Variants in KANK1 observed in about 807,000 individuals in gnomAD.
The protein encoded by KANK1 is KN motif and ankyrin repeat domain-containing protein 1.
Under a neutral mutation model 106.2 loss-of-function variants are expected in KANK1, and 109 were observed. The ratio of observed to expected loss-of-function variants is 1.03; its 90% CI spans 0.88 to 1.20. KANK1 has a LOEUF of 1.20. KANK1 is among the 50% of genes most tolerant of loss of function. KANK1 has a pLI of 0.00. For missense variants in KANK1, 2,399 were observed against 1,710.7 expected (o/e 1.40, Z -7.10); for synonymous variants, 873 against 652.2 (o/e 1.34, Z -5.16).
chr9:573,492 G>C (rs1165251985), intron 1 of KANK1, among the ~76,000 whole-genome samples: 2 of 151,952 alleles, frequency 1.3e-5, no homozygotes, highest in Admixed American at 1.3e-4. Flanking sequence ...GGATGGTCTC[G>C]ATCTCTTGAC....
chr9:560,820 G>A (rs1281790541), intron 1 of KANK1, among the ~76,000 whole-genome samples: 2 of 152,026 alleles, frequency 1.3e-5, no homozygotes, highest in East Asian at 3.8e-4. Flanking sequence ...CAATCAACAT[G>A]AACAAATACA....
At chr9:708,251 C>T (rs1028230508) in intron 2 of KANK1, among the ~76,000 whole-genome samples, 6 of 143,504 alleles carry the variant, frequency 4.2e-5, no homozygotes, top group African/African-American at 1.5e-4. Context: ...GCTGCAGCTT[C>T]TCTCCTGTTA....
intron 1 of KANK1, among the ~76,000 whole-genome samples, chr9:640,484 G>A (rs1466646522): frequency 1.3e-5 from 2 of 150,804 alleles, no homozygotes; most frequent in Admixed American, 6.6e-5. Context: ...TGCAACCTCC[G>A]CCTCCCAGGT....
chr9:527,112 C>T (rs2059826026), intron 1 of KANK1, among the ~76,000 whole-genome samples: 1 of 151,724 alleles, frequency 6.6e-6, no homozygotes, highest in South Asian at 2.1e-4. Context: ...CAAACTGAAG[C>T]CTAACCTTCC....
At chr9:538,360 A>C (rs1460400299) in intron 1 of KANK1, among the ~76,000 whole-genome samples, 1 of 152,140 alleles carries the variant, frequency 6.6e-6, no homozygotes. Flanking sequence ...TGAGTAAAGG[A>C]GGGGCAGACA....
intron 3 of KANK1, among the ~76,000 whole-genome samples, chr9:725,833 T>C (rs971923440): frequency 6.6e-6 from 1 of 152,228 alleles, no homozygotes; most frequent in Non-Finnish European, 1.5e-5. Context: ...ACACTTAAGC[T>C]GCTTTTCTTC....
intron 1 of KANK1, among the ~76,000 whole-genome samples, chr9:510,862 C>A (rs7874553): frequency 6.6e-6 from 1 of 152,034 alleles, no homozygotes; most frequent in African/African-American, 2.4e-5. Context: ...CTCCTTTCCC[C>A]TCAGGTAAAA....
At chr9:544,715 G>A (rs1271320509) in intron 1 of KANK1, among the ~76,000 whole-genome samples, 1 of 151,764 alleles carries the variant, frequency 6.6e-6, no homozygotes, top group African/African-American at 2.4e-5. Flanking sequence ...TGTTGGGTGA[G>A]GTGGAGTTCG....
chr9:542,351 C>G (rs903642967), intron 1 of KANK1, among the ~76,000 whole-genome samples: 2 of 152,170 alleles, frequency 1.3e-5, no homozygotes, highest in African/African-American at 4.8e-5. Context: ...AATACAAAAC[C>G]ACAGTGAGGT....
intron 1 of KANK1, among the ~76,000 whole-genome samples, chr9:676,356 C>G (rs1008845043): frequency 6.6e-6 from 1 of 152,154 alleles, no homozygotes; most frequent in African/African-American, 2.4e-5. Context: ...GGAGGACTGA[C>G]TGGATCAGAT....
rs1005123100 is a variant in KANK1, at chr9:615,185, A to T, written c.-83-61705A>T. Among the ~76,000 whole-genome samples, 17 of 152,284 alleles carry T rather than the reference A, an allele frequency of 1.1e-4. 1 individual carries two copies. Among genetic ancestry groups the T allele is most frequent in the African/African-American group, 4.1e-4 (17 of 41,538 alleles). On this transcript the variant is annotated intron_variant, in intron 1 of 11. Transcript: ENST00000382297. ...CCTGGCCTCAAGCAAGTCCTCCTGC[A>T]TTGGCCTTCCAAAGTGCTGGGATTA...
At chr9:514,146 T>TCTC (rs2059162005) in intron 1 of KANK1, among the ~76,000 whole-genome samples, 4 of 36,568 alleles carry the variant, frequency 1.1e-4, no homozygotes, top group African/African-American at 9.9e-4. Context: ...CTCCCTCCCT[T>TCTC]CCTCTCTCCC....
chr9:645,920 A>G (rs1839572872), intron 1 of KANK1, among the ~76,000 whole-genome samples: 1 of 151,094 alleles, frequency 6.6e-6, no homozygotes, highest in South Asian at 2.1e-4. Context: ...TTATCTCATG[A>G]TTTAGCCACA....
chr9:527,881 G>T (rs927485496), intron 1 of KANK1, among the ~76,000 whole-genome samples: 4 of 148,856 alleles, frequency 2.7e-5, no homozygotes, highest in African/African-American at 1.0e-4. Flanking sequence ...GGGCGCGATG[G>T]CTCATGCCTG....
intron 1 of KANK1, among the ~76,000 whole-genome samples, chr9:533,608 G>C (rs1329914017): frequency 6.6e-6 from 1 of 152,174 alleles, no homozygotes; most frequent in East Asian, 1.9e-4. Context: ...ATCATACTCT[G>C]GTATCTGGAC....
intron 1 of KANK1, among the ~76,000 whole-genome samples, chr9:622,045 G>T (rs952597015): frequency 1.3e-5 from 2 of 152,096 alleles, no homozygotes; most frequent in Admixed American, 6.6e-5. Context: ...TAGGTTCAGG[G>T]TCTTTTTCAT....
chr9:723,153 A>G (rs2131401452), intron 3 of KANK1, among the ~76,000 whole-genome samples: 2 of 152,334 alleles, frequency 1.3e-5, no homozygotes, highest in Middle Eastern at 3.4e-3. Context: ...CACTCTGAAC[A>G]GAATGGACAG....
intron 1 of KANK1, among the ~76,000 whole-genome samples, chr9:577,701 AC>A: frequency 6.6e-6 from 1 of 152,284 alleles, no homozygotes; most frequent in Middle Eastern, 3.4e-3. Context: ...CTCAAGTTCC[AC>A]CCCAAACCTC....
At chr9:571,341 G>C (rs1156673339) in intron 1 of KANK1, among the ~76,000 whole-genome samples, 3 of 152,204 alleles carry the variant, frequency 2.0e-5, no homozygotes, top group Non-Finnish European at 4.4e-5. Flanking sequence ...AGAAGTTACA[G>C]AGTGTTCCTT....
Sources: gnomAD v4.1 joint callset for allele counts (sites outside exome capture counted in the v4.1 genomes callset) on GRCh38, gnomAD v4.1.1 for gene constraint, MANE v1.5 for transcripts, NCBI Gene and HGNC (gene_info 2026-07-23, HGNC 2026-07-21) for gene names.